Variants in MGLL observed in about 807,000 individuals in gnomAD.
The protein encoded by MGLL is monoglyceride lipase.
A neutral mutation model predicts 29.1 loss-of-function variants in MGLL; 7 were observed. The ratio of observed to expected loss-of-function variants is 0.24; its 90% confidence interval spans 0.14 to 0.45. The LOEUF is 0.45. Among genes scored for constraint, MGLL ranks in the 20% least tolerant of loss-of-function variants. MGLL has a pLI of 0.99. For missense variants in MGLL, 356 were observed against 413.6 expected, an observed-to-expected ratio of 0.86 and a Z score of 1.21; for synonymous variants, 148 against 168.3, an observed-to-expected ratio of 0.88 and a Z score of 0.93.
chr3:127,721,205 C>A, intron 4 of MGLL, 42 bp from the exon 5 acceptor site: 1 of 1,526,620 alleles, frequency 6.6e-7, no homozygotes, highest in Non-Finnish European at 9.1e-7. Flanking sequence ...TCGGCTTGCA[C>A]CAGTGCACAC....
chr3:127,750,553 G>A (rs766150743), intron 3 of MGLL, among the ~76,000 whole-genome samples: 6 of 151,940 alleles, frequency 3.9e-5, no homozygotes, highest in Admixed American at 2.0e-4. Context: ...CAGGGCCCCT[G>A]GGACTCACAG....
chr3:127,793,209 C>T (rs1041975531), intron 2 of MGLL, among the ~76,000 whole-genome samples: 1 of 152,184 alleles, frequency 6.6e-6, no homozygotes, highest in Non-Finnish European at 1.5e-5. Flanking sequence ...TTGGCTGGCT[C>T]AGCAGCTCCC....
intron 3 of MGLL, among the ~76,000 whole-genome samples, chr3:127,765,479 C>T (rs1289906366): frequency 3.3e-5 from 5 of 152,198 alleles, no homozygotes; most frequent in Non-Finnish European, 5.9e-5. Flanking sequence ...TCCAAAGCCC[C>T]CAACACAGAT....
At chr3:127,765,035 G>C (rs1388751542) in intron 3 of MGLL, among the ~76,000 whole-genome samples, 1 of 151,862 alleles carries the variant, frequency 6.6e-6, no homozygotes, top group African/African-American at 2.4e-5. Flanking sequence ...CAGACAACAA[G>C]GACCACCTAT....
chr3:127,791,355 T>C (rs1216862043), intron 2 of MGLL: 1 of 152,272 alleles, frequency 6.6e-6, no homozygotes, highest in Non-Finnish European at 1.5e-5. Context: ...CTTTGAGCCA[T>C]CCTGCTTCAA....
At chr3:127,757,424 G>T (rs143610091) in intron 3 of MGLL, among the ~76,000 whole-genome samples, 64 of 152,198 alleles carry the variant, frequency 4.2e-4, no homozygotes, top group Non-Finnish European at 7.6e-4. Context: ...ATATCCCAGT[G>T]CCTGTATATA....
chr3:127,692,443 G>A, intron 7 of MGLL, 120 bp from the exon 8 acceptor site: 3 of 1,322,956 alleles, frequency 2.3e-6, no homozygotes, highest in Non-Finnish European at 3.2e-6. Context: ...CTATGCCCGA[G>A]GACCTGGCCC....
At chr3:127,704,916 G>T (rs376265163) in intron 6 of MGLL, among the ~76,000 whole-genome samples, 1 of 152,122 alleles carries the variant, frequency 6.6e-6, no homozygotes, top group Non-Finnish European at 1.5e-5. Context: ...AAAGATACAT[G>T]CACACGTATG....
intron 2 of MGLL, among the ~76,000 whole-genome samples, chr3:127,807,365 T>C (rs1559983235): frequency 6.6e-6 from 1 of 152,200 alleles, no homozygotes; most frequent in Non-Finnish European, 1.5e-5. Context: ...TCTCTTTTTT[T>C]CTTGATGAAT....
At chr3:127,795,729 C>T (rs1333215287) in intron 2 of MGLL, among the ~76,000 whole-genome samples, 1 of 152,036 alleles carries the variant, frequency 6.6e-6, no homozygotes, top group Admixed American at 6.5e-5. Context: ...GCCACCAAAT[C>T]TGCACATATG....
At chr3:127,739,593 C>T (rs2107653003) in intron 3 of MGLL, among the ~76,000 whole-genome samples, 1 of 152,278 alleles carries the variant, frequency 6.6e-6, no homozygotes, top group South Asian at 2.1e-4. Flanking sequence ...TAAAAACCCA[C>T]AAAATACTAC....
At chr3:127,692,349 A>G in intron 7 of MGLL, 26 bp from the exon 8 acceptor site, 1 of 1,613,824 alleles carries the variant, frequency 6.2e-7, no homozygotes, top group Non-Finnish European at 8.5e-7. Context: ...ACACGGAATC[A>G]GAGCTGCACC....
chr3:127,759,298 C>T (rs2076720388), intron 3 of MGLL, among the ~76,000 whole-genome samples: 3 of 152,178 alleles, frequency 2.0e-5, no homozygotes, highest in Non-Finnish European at 2.9e-5. Context: ...AACTGAGACA[C>T]AGAGTCAGGC....
In MGLL at chr3:127,739,143, C is replaced by T. The variant is rs147377807; in HGVS notation, c.263-16577G>A. On this transcript the variant is annotated intron_variant, in intron 3 of 7. Transcript: ENST00000265052. ...CAAGGGAGCTATCTGGGAAAAATCC[C>T]GAAAAGCCTCAAGTGGCCGCTGAGT... Among the ~76,000 whole-genome samples the T allele has an allele frequency of 1.5e-3, 231 of 152,300 alleles. 1 individual carries two copies. The highest frequency in any genetic ancestry group is 5.0e-3 in the African/African-American group (207 of 41,556).
At chr3:127,815,967 G>A (rs1316271266) in intron 2 of MGLL, among the ~76,000 whole-genome samples, 2 of 152,220 alleles carry the variant, frequency 1.3e-5, no homozygotes, top group Non-Finnish European at 2.9e-5. Context: ...TTTGGATCCT[G>A]GGAGAGGAGA....
At chr3:127,694,592 G>A (rs971464154) in intron 7 of MGLL, among the ~76,000 whole-genome samples, 3 of 152,014 alleles carry the variant, frequency 2.0e-5, no homozygotes, top group Admixed American at 6.6e-5. Context: ...CATGGCTCCC[G>A]AGCTACTGCA....
chr3:127,822,555 G>T (rs1366554874), upstream of MGLL: 5 of 585,154 alleles, frequency 8.5e-6, no homozygotes, highest in Non-Finnish European at 1.5e-5. Context: ...GCGGCGCTGC[G>T]ATTCTCCACT....
chr3:127,730,921 G>A (rs796605359), intron 3 of MGLL, among the ~76,000 whole-genome samples: 7 of 152,328 alleles, frequency 4.6e-5, no homozygotes, highest in African/African-American at 1.7e-4. Context: ...GGCCGTCTTG[G>A]AGAGCAAAGA....
At chr3:127,782,077 C>T (rs1317985989) in intron 2 of MGLL, among the ~76,000 whole-genome samples, 182 bp from the exon 3 acceptor site, 1 of 152,120 alleles carries the variant, frequency 6.6e-6, no homozygotes, top group Admixed American at 6.5e-5. Flanking sequence ...AAAAAATTAG[C>T]CGGGAGTGGT....
Sources: gnomAD v4.1 joint callset for allele counts (sites outside exome capture counted in the v4.1 genomes callset) on GRCh38, gnomAD v4.1.1 for gene constraint, MANE v1.5 for transcripts, NCBI Gene and HGNC (gene_info 2026-07-23, HGNC 2026-07-21) for gene names.